ATF6: variants seen among roughly 807,000 people sequenced by gnomAD.
ATF6 encodes cyclic AMP-dependent transcription factor ATF-6 alpha.
A neutral mutation model predicts 83.6 loss-of-function variants in ATF6; 53 were observed. That is an observed-to-expected ratio of 0.63 (90% CI 0.51 to 0.80). ATF6 has a LOEUF of 0.80. Ranked by LOEUF, ATF6 falls within the 30% of genes least tolerant of loss-of-function variation. ATF6 has a pLI of 0.00. For synonymous variants in ATF6, 288 were observed against 285.8 expected (o/e 1.01, Z -0.08); for missense variants, 744 against 797.9 (o/e 0.93, Z 0.81).
rs1428625884 is a variant in ATF6 at position 161,959,264 on chromosome 1, G to T, written c.*610G>T. 6.6e-6 allele frequency: 1 copy of T among 152,226 alleles called. No homozygotes were observed. Among genetic ancestry groups the T allele is most frequent in the Non-Finnish European group, 1.5e-5 (1 of 68,064 alleles). The allele number at this position is 152,226 out of a possible 1,614,324, so 9.4% of individuals were successfully genotyped here. On this transcript the variant is annotated 3_prime_UTR_variant, in exon 16 of 16. Coordinates refer to ENST00000367942, the MANE Select transcript of ATF6 (RefSeq NM_007348.4). The stretch of plus-strand genomic sequence containing the variant: ...GTTGGTAAAGTTTATCTTTACTTAG[G>T]ATTTGTGGCTCACACCTAAACAAAG...
chr1:161,915,155 A>G (rs574617684), intron 15 of ATF6, among the ~76,000 whole-genome samples: 3 of 152,098 alleles, frequency 2.0e-5, no homozygotes, highest in African/African-American at 7.2e-5. Context: ...GAGCTACATC[A>G]TGTTTCCACT....
intron 6 of ATF6, among the ~76,000 whole-genome samples, chr1:161,793,043 T>G (rs896551693): frequency 2.6e-5 from 4 of 152,218 alleles, no homozygotes; most frequent in African/African-American, 7.2e-5. Flanking sequence ...CATTCTTATC[T>G]CTGGATTTAG....
At chr1:161,820,796 G>A (rs1327355203) in intron 8 of ATF6, among the ~76,000 whole-genome samples, 1 of 152,048 alleles carries the variant, frequency 6.6e-6, no homozygotes, top group African/African-American at 2.4e-5. Context: ...CTTGGGTGAA[G>A]AGGCAACTGC....
intron 14 of ATF6, chr1:161,891,957 T>G (rs923220120): frequency 3.9e-5 from 6 of 152,212 alleles, no homozygotes; most frequent in African/African-American, 1.4e-4. Flanking sequence ...GTTTCTTTAT[T>G]ATGGCCTTAG....
chr1:161,788,503 TTCTATTA>T, intron 4 of ATF6, among the ~76,000 whole-genome samples: 1 of 152,268 alleles, frequency 6.6e-6, no homozygotes, highest in East Asian at 1.9e-4. Context: ...TCTTTTCCCT[TTCTATTA>T]TCTATTAACT....
At chr1:161,850,060 C>T (rs1686579527) in intron 10 of ATF6, among the ~76,000 whole-genome samples, 1 of 152,128 alleles carries the variant, frequency 6.6e-6, no homozygotes, top group South Asian at 2.1e-4. Flanking sequence ...CAGTTCTTGC[C>T]AGGATTGCCA....
chr1:161,769,069 A>G (rs909020081), intron 1 of ATF6, among the ~76,000 whole-genome samples: 12 of 152,104 alleles, frequency 7.9e-5, no homozygotes, highest in African/African-American at 2.9e-4. Context: ...ATTTTCTGTA[A>G]AGGTTCAGAT....
At chr1:161,829,349 C>T (rs916515006) in intron 9 of ATF6, among the ~76,000 whole-genome samples, 5 of 151,822 alleles carry the variant, frequency 3.3e-5, no homozygotes, top group Admixed American at 1.3e-4. Context: ...GACAGATCAA[C>T]GAGACAGAAA....
At chr1:161,866,488 G>C (rs889493390) in intron 14 of ATF6, among the ~76,000 whole-genome samples, 1 of 152,184 alleles carries the variant, frequency 6.6e-6, no homozygotes, top group Non-Finnish European at 1.5e-5. Context: ...AAGTGCTTCT[G>C]TTCTTTTGAC....
chr1:161,830,265 C>G (rs999704254), intron 9 of ATF6, among the ~76,000 whole-genome samples: 41 of 152,242 alleles, frequency 2.7e-4, no homozygotes, highest in African/African-American at 8.7e-4. Flanking sequence ...TCTTCAAGGA[C>G]AACTACAAAC....
At chr1:161,902,057 G>A (rs1038461859) in intron 14 of ATF6, among the ~76,000 whole-genome samples, 13 of 152,032 alleles carry the variant, frequency 8.6e-5, no homozygotes, top group African/African-American at 2.2e-4. Flanking sequence ...TCCGAAATTC[G>A]GATTTTCACT....
At chr1:161,839,691 G>T (rs1238335415) in intron 9 of ATF6, among the ~76,000 whole-genome samples, 2 of 152,154 alleles carry the variant, frequency 1.3e-5, no homozygotes, top group Non-Finnish European at 2.9e-5. Flanking sequence ...AGTTTTAAAT[G>T]GTGATCACTG....
chr1:161,853,168 T>G lies in ATF6; in HGVS notation c.1434-56T>G, dbSNP rs565551319. The G allele has an allele frequency of 5.0e-5, 62 of 1,251,356 alleles. No homozygotes were observed. In the African/African-American group the frequency reaches 8.3e-4, roughly 17 times the overall value. 77.5% of individuals were successfully genotyped at this position (1,251,356 alleles called of 1,614,324 possible). A position where few individuals can be genotyped will look rare whatever the true frequency, so the allele number is the denominator to read the frequency against. The stretch of plus-strand genomic sequence containing the variant: ...TCATTTCCACCCACAGGGTGAAACA[T>G]CCATTTCTATGTTTAATTAATTTCT... On this transcript the variant is annotated intron_variant, in intron 11 of 15. Coordinates refer to ENST00000367942, the MANE Select transcript of ATF6 (RefSeq NM_007348.4).
At chr1:161,813,635 T>A (rs1571154140) in intron 7 of ATF6, among the ~76,000 whole-genome samples, 1 of 152,232 alleles carries the variant, frequency 6.6e-6, no homozygotes. Flanking sequence ...ATTTACTAAA[T>A]TGATAAACCT....
intron 9 of ATF6, among the ~76,000 whole-genome samples, chr1:161,828,354 C>A (rs913324091): frequency 4.6e-5 from 7 of 152,068 alleles, no homozygotes; most frequent in African/African-American, 1.4e-4. Flanking sequence ...GTAAGGGCTT[C>A]TCAGAGGCCA....
chr1:161,929,608 G>A lies in ATF6; in HGVS notation c.1804+17228G>A, dbSNP rs528580875. 9.2e-5 allele frequency among the ~76,000 whole-genome samples: 14 copies of A among 152,304 alleles called. 1 individual carries two copies. The East Asian group carries it at 2.5e-3, about 27-fold the overall frequency. ...AAGATAGGAGGTTCTGTAAACCTAG[G>A]TATGCAGTCAGGCACTAAGTGGCCA... On this transcript the variant is annotated intron_variant, in intron 15 of 15. Transcript: ENST00000367942.
chr1:161,777,341 A>G (rs1458564119), intron 1 of ATF6, among the ~76,000 whole-genome samples: 29 of 152,216 alleles, frequency 1.9e-4, no homozygotes, highest in Admixed American at 1.3e-3. Flanking sequence ...ATTACTACGT[A>G]TACATTTTTT....
intron 8 of ATF6, 42 bp from the exon 9 acceptor site, chr1:161,821,028 C>G: frequency 7.2e-7 from 1 of 1,391,952 alleles, no homozygotes; most frequent in South Asian, 1.3e-5. Flanking sequence ...TTTCTGAAAT[C>G]GATGTTAGTT....
intron 6 of ATF6, among the ~76,000 whole-genome samples, chr1:161,799,117 G>GACAC (rs916302615): frequency 1.8e-4 from 28 of 152,060 alleles, no homozygotes; most frequent in African/African-American, 6.8e-4. Flanking sequence ...GGAATATAAA[G>GACAC]ACACACGCAC....
Sources: allele counts gnomAD v4.1 joint callset (sites outside exome capture counted in the v4.1 genomes callset), GRCh38; gene constraint gnomAD v4.1.1; transcripts MANE v1.5; gene names NCBI Gene and HGNC (gene_info 2026-07-23, HGNC 2026-07-21).